Variants in USP6 observed in about 807,000 individuals in gnomAD.
The protein encoded by USP6 is ubiquitin specific peptidase 6.
USP6 carries 128 observed loss-of-function variants against 175.7 expected under a neutral mutation model. The ratio of observed to expected loss-of-function variants is 0.73; its 90% CI spans 0.63 to 0.84. The LOEUF (loss-of-function observed/expected upper bound fraction) is 0.84. Among genes scored for constraint, USP6 ranks in the 40% least tolerant of loss-of-function variants. The probability of loss-of-function intolerance (pLI) is 0.00; values close to 1 mark genes in which losing one functional copy is unlikely to be tolerated. For missense variants in USP6, 1,498 were observed against 1,760.3 expected (o/e 0.85, Z 2.67); for synonymous variants, 562 against 630.6 (o/e 0.89, Z 1.63).
intron 31 of USP6, among the ~76,000 whole-genome samples, chr17:5,159,963 CAAAA>C (rs34643191): frequency 2.8e-5 from 3 of 108,660 alleles, no homozygotes; most frequent in Admixed American, 1.9e-4. Flanking sequence ...TACCCCGTCT[CAAAA>C]AAAAAAAAAA....
chr17:5,135,209 A>G (rs199928533), intron 15 of USP6, 25 bp from the exon 16 acceptor site: 1 of 1,611,570 alleles, frequency 6.2e-7, no homozygotes, highest in South Asian at 1.1e-5. Context: ...AAACCAAACC[A>G]TAGCCCCCTT....
Position 5,138,271 on chromosome 17 carries a change from C to T in USP6, c.1076C>T (p.Pro359Leu). Reference sequence around the variant, plus strand: ...AGGAAGCAAGGGGACCTGCCACCCCCAGGTGGGCTCCAGTGCCATGTCCCC... The same window carrying T: ...AGGAAGCAAGGGGACCTGCCACCCCTAGGTGGGCTCCAGTGCCATGTCCCC... ...LTRKQGDLPP[P>L]AKREQGSLAP... is the part of the protein sequence containing the mutation. The change falls in exon 21 of 38, where the codon CCA (proline) becomes CTA (leucine). Residue 359 changes from proline (P) to leucine (L), a missense_variant and splice_region_variant. Physicochemically the swap from Pro to Leu is moderately conservative, Grantham distance 98. Transcript: ENST00000574788. 1 of 1,613,376 alleles carries T rather than the reference C, an allele frequency of 6.2e-7. No individual in the cohort carries two copies. The highest frequency in any genetic ancestry group is 8.5e-7 in the Non-Finnish European group (1 of 1,179,914).
intron 31 of USP6, among the ~76,000 whole-genome samples, chr17:5,160,316 C>G (rs2073979518): frequency 6.6e-6 from 1 of 152,116 alleles, no homozygotes; most frequent in South Asian, 2.1e-4. Context: ...ATGTAATAAC[C>G]ACTATCATTT....
intron 30 of USP6, among the ~76,000 whole-genome samples, chr17:5,149,131 A>G (rs1441457811): frequency 6.6e-6 from 1 of 152,138 alleles, no homozygotes; most frequent in Non-Finnish European, 1.5e-5. Flanking sequence ...GGCCAGGTGC[A>G]GTGGCTCACA....
intron 35 of USP6, among the ~76,000 whole-genome samples, chr17:5,169,587 A>AC (rs2074169310): frequency 6.6e-6 from 1 of 152,074 alleles, no homozygotes; most frequent in African/African-American, 2.4e-5. Context: ...GACTACAGGC[A>AC]TGCACCACTG....
rs907682771 is a variant in USP6, at chr17:5,170,838, C to T, written c.3877C>T (p.His1293Tyr). ...CTACAGCAATGGTCAGCTTGGAAACCACAGTGAAGAAGACAGCACTGATGA... is the reference window on the plus strand; with the variant it reads ...CTACAGCAATGGTCAGCTTGGAAACTACAGTGAAGAAGACAGCACTGATGA... ...DGYSNGQLGN[H>Y]SEEDSTDDQR... Residue 1293 changes from histidine (H) to tyrosine (Y), a missense_variant, in exon 36 of 38, where the codon CAC (histidine) becomes TAC (tyrosine). By Grantham distance (83) the His-to-Tyr change is moderately conservative (BLOSUM62 2). Transcript: ENST00000574788. The T allele has an allele frequency of 5.0e-6, 8 of 1,612,966 alleles. No homozygotes were observed. In the African/African-American group the frequency reaches 1.1e-4, roughly 22 times the overall value.
intron 21 of USP6, 125 bp downstream of exon 21, chr17:5,138,398 C>T: frequency 6.5e-7 from 1 of 1,534,276 alleles, no homozygotes; most frequent in Non-Finnish European, 8.8e-7. Context: ...TCCTCTTCCT[C>T]CTGGACTCTA....
chr17:5,163,108 A>G, intron 33 of USP6, 104 bp downstream of exon 33: 4 of 1,451,414 alleles, frequency 2.8e-6, no homozygotes, highest in Non-Finnish European at 3.6e-6. Context: ...ACAACCAGAA[A>G]AACCTTCATT....
In USP6 at chr17:5,168,083, C is replaced by T; in HGVS notation, c.3188C>T (p.Ala1063Val). Residue 1063 changes from alanine (A) to valine (V), a missense_variant, in exon 34 of 38, where the codon GCA (alanine) becomes GTA (valine). Coordinates refer to ENST00000574788, the MANE Select transcript of USP6 (RefSeq NM_001304284.2). ...TCCAAGTGTAAGACCCACTGCTTAG[C>T]AACAAAGAAGCTGGATCTCTGGAGG... is the stretch of plus-strand genomic sequence containing the variant. ...YCSKCKTHCL[A>V]TKKLDLWRLP... The T allele has an allele frequency of 6.2e-7, 1 of 1,611,300 alleles. No homozygotes were observed. The highest frequency in any genetic ancestry group is 2.3e-4 in the Middle Eastern group (1 of 4,430).
At chr17:5,168,655 A>G (rs2074146679) in intron 34 of USP6, 112 bp from the exon 35 acceptor site, 4 of 1,393,844 alleles carry the variant, frequency 2.9e-6, no homozygotes, top group African/African-American at 1.4e-5. Flanking sequence ...TGAAGAGTAA[A>G]TGTTCTGTTA....
At position 5,132,979 on chromosome 17, in the gene USP6, C is replaced by T. The variant is rs78465432; in HGVS notation, c.265C>T (p.His89Tyr). The T allele has an allele frequency of 1.2e-6, 2 of 1,614,120 alleles. No homozygotes were observed. The highest frequency in any genetic ancestry group is 1.7e-6 in the Non-Finnish European group (2 of 1,179,990). ...EMLGEWETYK[H>Y]SSKLIDRVYK... Reference sequence around the variant, plus strand: ...GCTGGGAGAATGGGAGACATATAAGCACAGTAGCAAAGTAATGTGTGGAGG... The same window carrying T: ...GCTGGGAGAATGGGAGACATATAAGTACAGTAGCAAAGTAATGTGTGGAGG... The change falls in exon 13 of 38, where the codon CAC (histidine) becomes TAC (tyrosine). Residue 89 changes from histidine to tyrosine, a missense_variant. Transcript: ENST00000574788. This position sits in a 1 kb window ranked among gnomAD's most constrained non-coding sequence, Gnocchi z 4.7.
At chr17:5,118,819 C>T (rs140272019) in intron 2 of USP6, among the ~76,000 whole-genome samples, 2 of 152,218 alleles carry the variant, frequency 1.3e-5, no homozygotes, top group East Asian at 1.9e-4. Flanking sequence ...CATTTCTTCC[C>T]GAAAGTCTGG....
At chr17:5,129,574 T>G (rs2072996527) in intron 8 of USP6, 1 of 152,364 alleles carries the variant, frequency 6.6e-6, no homozygotes, top group African/African-American at 2.4e-5. Flanking sequence ...CAAGTATTTC[T>G]TATTCTGTCT....
chr17:5,170,889 C>T lies in USP6; in HGVS notation c.3928C>T (p.Pro1310Ser). 1 of 1,612,146 alleles carries T rather than the reference C, an allele frequency of 6.2e-7. No individual in the cohort carries two copies. The highest frequency in any genetic ancestry group is 1.1e-5 in the South Asian group (1 of 90,992). Residue 1310 changes from proline to serine, a missense_variant, in exon 36 of 38, where the codon CCT becomes TCT. By Grantham distance (74) the Pro-to-Ser change is moderately conservative. Coordinates refer to ENST00000574788, the MANE Select transcript of USP6 (RefSeq NM_001304284.2). ...CCAAAGAGAAGACACTCATATTAAG[C>T]CTATTTATAATCTATATGCAATTTC... ...DDQREDTHIK[P>S]IYNLYAISCH...
At chr17:5,118,725 C>T (rs2072585823) in intron 2 of USP6, among the ~76,000 whole-genome samples, 1 of 152,122 alleles carries the variant, frequency 6.6e-6, no homozygotes. Context: ...GAGAATTTTA[C>T]AGAGTGATCA....
At chr17:5,120,855 G>T in intron 3 of USP6, 67 bp downstream of exon 3, 1 of 454,534 alleles carries the variant, frequency 2.2e-6, no homozygotes. Flanking sequence ...GGTGCAGCTG[G>T]AACGCTGGCA....
At chr17:5,128,089 G>A (rs1320402410) in intron 7 of USP6, among the ~76,000 whole-genome samples, 1 of 152,198 alleles carries the variant, frequency 6.6e-6, no homozygotes, top group Non-Finnish European at 1.5e-5. Context: ...CTCAGGACTT[G>A]AGACTCCGTT....
In USP6 at chr17:5,116,211, C is replaced by G. The variant is rs62076287; in HGVS notation, c.-2457C>G. On this transcript the variant is annotated 5_prime_UTR_variant, in exon 1 of 38. Coordinates refer to ENST00000574788, the MANE Select transcript of USP6 (RefSeq NM_001304284.2). ...GTCAGGAGGGGCCGCGGGCAGCGCT[C>G]GAGACGCTCATTGAGAGGACTTCCC... Among the ~76,000 whole-genome samples, 30,745 of 146,638 alleles carry G rather than the reference C, an allele frequency of 0.21. 3,350 individuals carry two copies. Among genetic ancestry groups the G allele is most frequent in the African/African-American group, 0.27 (11,218 of 41,072 alleles).
intron 2 of USP6, among the ~76,000 whole-genome samples, chr17:5,120,203 A>G (rs748351091): frequency 7.2e-5 from 11 of 152,140 alleles, no homozygotes; most frequent in Non-Finnish European, 1.6e-4. Context: ...AACATTTGCT[A>G]ATGGGGCCTG....
Sources: allele counts gnomAD v4.1 joint callset (sites outside exome capture counted in the v4.1 genomes callset), GRCh38; gene constraint gnomAD v4.1.1; non-coding constraint Gnocchi (gnomAD v3.1); transcripts MANE v1.5; gene names NCBI Gene and HGNC (gene_info 2026-07-23, HGNC 2026-07-21).